LRRTM4: variants seen among roughly 807,000 people sequenced by gnomAD.
LRRTM4 encodes the protein leucine rich repeat transmembrane neuronal 4.
In LRRTM4, 25 loss-of-function variants were observed where a neutral mutation model predicts 47.6. The observed-to-expected ratio is 0.53, with a 90% confidence interval of 0.38 to 0.73. The LOEUF is 0.73. LRRTM4 is among the 30% of genes least tolerant of loss of function. The pLI is 0.00. For synonymous variants in LRRTM4, 311 were observed against 269.5 expected (o/e 1.15, Z -1.51); for missense variants, 638 against 713.4 (o/e 0.89, Z 1.20).
intron 3 of LRRTM4, among the ~76,000 whole-genome samples, chr2:77,472,346 A>G (rs1258027761): frequency 1.3e-5 from 2 of 152,182 alleles, no homozygotes; most frequent in Non-Finnish European, 2.9e-5. Context: ...CTAAACAGAA[A>G]CACATGGAAA....
At chr2:76,862,963 T>A (rs2104016155) in intron 3 of LRRTM4, among the ~76,000 whole-genome samples, 1 of 152,310 alleles carries the variant, frequency 6.6e-6, no homozygotes, top group East Asian at 1.9e-4. Flanking sequence ...CAGATTATGT[T>A]TCTACCCTCC....
intron 3 of LRRTM4, among the ~76,000 whole-genome samples, chr2:76,878,099 C>G (rs1254863078): frequency 6.6e-6 from 1 of 152,106 alleles, no homozygotes; most frequent in Non-Finnish European, 1.5e-5. Context: ...TTTGGTGATT[C>G]TTGCAATATT....
chr2:76,783,523 T>C (rs1674508437), intron 3 of LRRTM4, among the ~76,000 whole-genome samples: 1 of 152,150 alleles, frequency 6.6e-6, no homozygotes, highest in Admixed American at 6.5e-5. Flanking sequence ...TCTGTACCTA[T>C]TAAGGCGTAA....
At chr2:77,107,287 C>A (rs975432404) in intron 3 of LRRTM4, among the ~76,000 whole-genome samples, 1 of 137,526 alleles carries the variant, frequency 7.3e-6, no homozygotes, top group Non-Finnish European at 1.5e-5. Flanking sequence ...AAACAATGAA[C>A]TATATTACCT....
At chr2:76,787,270 A>G (rs1386629403) in intron 3 of LRRTM4, among the ~76,000 whole-genome samples, 4 of 152,180 alleles carry the variant, frequency 2.6e-5, no homozygotes, top group East Asian at 1.9e-4. Flanking sequence ...AGAATGCACA[A>G]TTGGCATAAG....
At chr2:77,396,087 G>A (rs768694932) in intron 3 of LRRTM4, among the ~76,000 whole-genome samples, 1 of 151,724 alleles carries the variant, frequency 6.6e-6, no homozygotes, top group Non-Finnish European at 1.5e-5. Context: ...TCACTTAGGT[G>A]CTATCATTAG....
At chr2:77,433,075 A>G (rs1221213231) in intron 3 of LRRTM4, among the ~76,000 whole-genome samples, 4 of 152,218 alleles carry the variant, frequency 2.6e-5, no homozygotes, top group African/African-American at 7.2e-5. Flanking sequence ...GCAGAAAAAG[A>G]CAATCTACAG....
At chr2:77,300,537 A>T (rs1677107277) in intron 3 of LRRTM4, among the ~76,000 whole-genome samples, 1 of 152,166 alleles carries the variant, frequency 6.6e-6, no homozygotes, top group Non-Finnish European at 1.5e-5. Flanking sequence ...TAGTATATGT[A>T]GTGAAGAAAA....
At chr2:77,323,661 T>G (rs553574523) in intron 3 of LRRTM4, among the ~76,000 whole-genome samples, 73 of 152,252 alleles carry the variant, frequency 4.8e-4, no homozygotes, top group Middle Eastern at 3.4e-3. Context: ...GAAACAGATT[T>G]GGAGAGGTTA....
intron 3 of LRRTM4, among the ~76,000 whole-genome samples, chr2:77,222,557 C>G (rs1674668778): frequency 6.6e-6 from 1 of 152,162 alleles, no homozygotes; most frequent in South Asian, 2.1e-4. Flanking sequence ...TACAAACTAT[C>G]ATCAGAGAAT....
chr2:77,396,006 T>A (rs923575411), intron 3 of LRRTM4, among the ~76,000 whole-genome samples: 2 of 151,950 alleles, frequency 1.3e-5, no homozygotes, highest in Admixed American at 6.6e-5. Flanking sequence ...TATTTTATAT[T>A]TTTCAGGCTT....
chr2:77,231,622 T>C (rs924660950), intron 3 of LRRTM4, among the ~76,000 whole-genome samples: 6 of 152,164 alleles, frequency 3.9e-5, no homozygotes, highest in Non-Finnish European at 8.8e-5. Context: ...TTAACCTATA[T>C]AGAGGAGAAA....
intron 3 of LRRTM4, among the ~76,000 whole-genome samples, chr2:77,097,077 T>TG (rs1317368379): frequency 2.6e-5 from 4 of 151,876 alleles, no homozygotes; most frequent in Non-Finnish European, 5.9e-5. Flanking sequence ...AATGACAAGC[T>TG]GGTAGGACAA....
At chr2:77,052,587 CTGA>C (rs899515010) in intron 3 of LRRTM4, among the ~76,000 whole-genome samples, 1 of 151,398 alleles carries the variant, frequency 6.6e-6, no homozygotes, top group Non-Finnish European at 1.5e-5. Flanking sequence ...TTTTTTTTTA[CTGA>C]TCTGAAGGAA....
intron 3 of LRRTM4, among the ~76,000 whole-genome samples, chr2:77,047,620 C>T (rs1389310787): frequency 1.3e-5 from 2 of 152,096 alleles, no homozygotes; most frequent in Non-Finnish European, 2.9e-5. Context: ...CCTAATCTTG[C>T]CATTTTATAA....
At chr2:77,173,892 C>T (rs985937918) in intron 3 of LRRTM4, among the ~76,000 whole-genome samples, 8 of 152,132 alleles carry the variant, frequency 5.3e-5, no homozygotes, top group African/African-American at 1.7e-4. Context: ...TTGCTTGAAC[C>T]TTTTTCTAAA....
intron 3 of LRRTM4, among the ~76,000 whole-genome samples, chr2:77,025,325 G>A (rs1235143330): frequency 6.6e-6 from 1 of 152,094 alleles, no homozygotes; most frequent in Non-Finnish European, 1.5e-5. Context: ...CACAATATCT[G>A]ATCTTTCCTA....
At chr2:77,089,020 C>T (rs560252331) in intron 3 of LRRTM4, among the ~76,000 whole-genome samples, 14 of 152,152 alleles carry the variant, frequency 9.2e-5, no homozygotes, top group Admixed American at 6.5e-4. Flanking sequence ...GGGAAGGCAG[C>T]CTTCCCTTGG....
chr2:76,947,350 C>A (rs1675355118), intron 3 of LRRTM4, among the ~76,000 whole-genome samples: 3 of 151,768 alleles, frequency 2.0e-5, no homozygotes, highest in Non-Finnish European at 4.4e-5. Context: ...TGATAGGCTG[C>A]ATAACTTCTC....
Sources: allele counts gnomAD v4.1 joint callset (sites outside exome capture counted in the v4.1 genomes callset), GRCh38; gene constraint gnomAD v4.1.1; transcripts MANE v1.5; gene names NCBI Gene and HGNC (gene_info 2026-07-23, HGNC 2026-07-21).